ENDOD1: variants seen among roughly 807,000 people sequenced by gnomAD.
ENDOD1 encodes the protein endonuclease domain-containing 1 protein.
ENDOD1 carries 9 observed loss-of-function variants against 6.5 expected under a neutral mutation model. That is an observed-to-expected ratio of 1.39 (90% CI 0.84 to 2.43). The LOEUF is 2.43. ENDOD1 is among the 30% of genes most tolerant of loss of function. ENDOD1 has a pLI of 0.00. For synonymous variants in ENDOD1, 255 were observed against 255.2 expected, an observed-to-expected ratio of 1.00 and a Z score of 0.01; for missense variants, 648 against 635.5, an observed-to-expected ratio of 1.02 and a Z score of -0.21.
intron 1 of ENDOD1, among the ~76,000 whole-genome samples, chr11:95,097,822 G>A (rs1390653960): frequency 2.0e-5 from 3 of 152,088 alleles, no homozygotes; most frequent in African/African-American, 4.8e-5. Context: ...CAAGGGTTTG[G>A]GCCTGAATAA....
At chr11:95,124,692 G>A (rs1859294681) in intron 1 of ENDOD1, among the ~76,000 whole-genome samples, 1 of 152,214 alleles carries the variant, frequency 6.6e-6, no homozygotes, top group Non-Finnish European at 1.5e-5. Flanking sequence ...TGCCATGTAA[G>A]TGTATGGGAA....
In ENDOD1 at chr11:95,090,240, G is replaced by T; in HGVS notation, c.300+13G>T. ...GGTGGAGCCGCAGGTAAGCGAAGTG[G>T]TTCCCGAGCCGGGCTGCGGGCGCCG... On this transcript the variant is annotated intron_variant, in intron 1 of 1. Coordinates refer to ENST00000278505, the MANE Select transcript of ENDOD1 (RefSeq NM_015036.3). The T allele has an allele frequency of 7.3e-7, 1 of 1,368,328 alleles. No homozygotes were observed. The highest frequency in any genetic ancestry group is 9.5e-7 in the Non-Finnish European group (1 of 1,056,102). The allele number at this position is 1,368,328 out of a possible 1,614,324, so 84.8% of individuals were successfully genotyped here.
At position 95,129,927 on chromosome 11, in the gene ENDOD1, A is replaced by G. The variant is rs1367975832; in HGVS notation, c.*348A>G. The G allele has an allele frequency of 1.1e-5, 2 of 183,000 alleles. No individual in the cohort carries two copies. The highest frequency in any genetic ancestry group is 2.3e-5 in the Non-Finnish European group (2 of 87,242). 11.3% of individuals were successfully genotyped at this position (183,000 alleles called of 1,614,324 possible). On this transcript the variant is annotated 3_prime_UTR_variant, in exon 2 of 2. Transcript: ENST00000278505. ...GGGAGGGAAGAACTAGAAAAAGAACAACTTTAGACCAAAGGTGTCTGAGAA... is the reference window on the plus strand; with the variant it reads ...GGGAGGGAAGAACTAGAAAAAGAACGACTTTAGACCAAAGGTGTCTGAGAA...
chr11:95,128,938 C>T lies in ENDOD1; in HGVS notation c.862C>T (p.Gln288Ter). The T allele has an allele frequency of 6.2e-7, 1 of 1,613,948 alleles. No individual in the cohort carries two copies. Among genetic ancestry groups the T allele is most frequent in the Non-Finnish European group, 8.5e-7 (1 of 1,179,984 alleles). The change falls in exon 2 of 2, where the codon CAA becomes TAA. Residue 288 changes from glutamine (Q) to a stop codon, truncating the protein, a stop_gained. Transcript: ENST00000278505. LOFTEE classifies it low-confidence loss of function (END_TRUNC). Reference sequence around the variant, plus strand: ...GAAAAAAATCCTGGAAGTGGTTAACCAAATCCAGGATGAAGAACGAATGGT... The same window carrying T: ...GAAAAAAATCCTGGAAGTGGTTAACTAAATCCAGGATGAAGAACGAATGGT... ...KMKKILEVVN[Q>*]IQDEERMVQS...
chr11:95,103,100 GGTGTGTGTGTGTGT>G (rs1200141222), intron 1 of ENDOD1, among the ~76,000 whole-genome samples: 2 of 85,552 alleles, frequency 2.3e-5, no homozygotes, highest in Non-Finnish European at 6.0e-5. Flanking sequence ...AGGCAGAGTG[GGTGTGTGTGTGTGT>G]GTGTGTGTGT....
intron 1 of ENDOD1, among the ~76,000 whole-genome samples, chr11:95,111,362 G>A (rs781813163): frequency 6.6e-6 from 1 of 152,128 alleles, no homozygotes; most frequent in Non-Finnish European, 1.5e-5. Context: ...ATGGACCGGG[G>A]AGCAGGGGGA....
In ENDOD1 at chr11:95,101,305, T is replaced by C. The variant is rs140311931; in HGVS notation, c.300+11078T>C. On this transcript the variant is annotated intron_variant, in intron 1 of 1. Coordinates refer to ENST00000278505, the MANE Select transcript of ENDOD1 (RefSeq NM_015036.3). The stretch of plus-strand genomic sequence containing the variant: ...TCATGAGCTAGAGTTTGCCAAACCC[T>C]GGTGTAGCGTAATTCCAGCACTTAG... Among the ~76,000 whole-genome samples, 836 of 152,332 alleles carry C rather than the reference T, an allele frequency of 5.5e-3. 8 individuals are homozygous for C. The highest frequency in any genetic ancestry group is 0.019 in the African/African-American group (772 of 41,570).
chr11:95,114,916 G>A (rs531423826), intron 1 of ENDOD1, among the ~76,000 whole-genome samples: 40 of 152,280 alleles, frequency 2.6e-4, no homozygotes, highest in African/African-American at 9.4e-4. Flanking sequence ...ATAATTTGAA[G>A]TCAGGTAGTA....
chr11:95,113,154 T>A (rs1277093643), intron 1 of ENDOD1, among the ~76,000 whole-genome samples: 2 of 152,122 alleles, frequency 1.3e-5, no homozygotes, highest in Non-Finnish European at 2.9e-5. Context: ...CATGAGATAT[T>A]TTGATACAGG....
At chr11:95,110,254 C>G (rs1279488313) in intron 1 of ENDOD1, among the ~76,000 whole-genome samples, 1 of 152,238 alleles carries the variant, frequency 6.6e-6, no homozygotes, top group African/African-American at 2.4e-5. Flanking sequence ...TCATCCTCCC[C>G]TGCATTCTCA....
intron 1 of ENDOD1, among the ~76,000 whole-genome samples, chr11:95,094,720 T>C (rs1858966769): frequency 6.6e-6 from 1 of 152,222 alleles, no homozygotes; most frequent in South Asian, 2.1e-4. Flanking sequence ...TTCTTTTCAT[T>C]GTGTCAGAGA....
chr11:95,091,900 G>A (rs1001235328), intron 1 of ENDOD1, among the ~76,000 whole-genome samples: 19 of 152,252 alleles, frequency 1.2e-4, no homozygotes, highest in Admixed American at 6.5e-4. Context: ...AGGTTAAATT[G>A]GAGATAATAG....
intron 1 of ENDOD1, among the ~76,000 whole-genome samples, chr11:95,128,006 C>T (rs1030453211): frequency 2.0e-5 from 3 of 152,110 alleles, no homozygotes; most frequent in Non-Finnish European, 4.4e-5. Context: ...ATGATCCACC[C>T]GCCTCAGCCT....
intron 1 of ENDOD1, among the ~76,000 whole-genome samples, chr11:95,109,197 C>T (rs1182404128): frequency 3.3e-5 from 5 of 152,220 alleles, no homozygotes; most frequent in Admixed American, 6.5e-5. Flanking sequence ...AGGATCTTGT[C>T]GGAATCATCC....
chr11:95,100,000 A>G (rs1290875411), intron 1 of ENDOD1, among the ~76,000 whole-genome samples: 7 of 152,240 alleles, frequency 4.6e-5, no homozygotes, highest in Non-Finnish European at 1.0e-4. Flanking sequence ...AACACAGGGA[A>G]AAGAAAGCCA....
rs199801386 is a variant in ENDOD1, at chr11:95,129,350, G to A, written c.1274G>A (p.Arg425Gln). The change falls in exon 2 of 2, where the codon CGA (arginine) becomes CAA (glutamine). Residue 425 changes from arginine to glutamine, a missense_variant. By Grantham distance (43) the Arg-to-Gln change is conservative. Transcript: ENST00000278505. Reference protein sequence around the residue: ...ILCCLLKAICRVLSIPVRVLV... With the variant: ...ILCCLLKAICQVLSIPVRVLV... Reference sequence around the variant, plus strand: ...TGTTGTCTGCTGAAGGCCATTTGCCGAGTTCTGAGCATCCCTGTCCGTGTC... The same window carrying A: ...TGTTGTCTGCTGAAGGCCATTTGCCAAGTTCTGAGCATCCCTGTCCGTGTC... 128 of 1,614,168 alleles carry A rather than the reference G, an allele frequency of 7.9e-5. No individual in the cohort carries two copies. The East Asian group carries it at 2.2e-3, about 28-fold the overall frequency.
intron 1 of ENDOD1, 136 bp downstream of exon 1, chr11:95,090,363 C>T (rs962713316): frequency 8.2e-7 from 1 of 1,220,968 alleles, no homozygotes; most frequent in Non-Finnish European, 1.1e-6. Flanking sequence ...GCCAAGAAAC[C>T]CGGGTTCCAG....
At chr11:95,093,714 C>T (rs1255497349) in intron 1 of ENDOD1, among the ~76,000 whole-genome samples, 2 of 152,120 alleles carry the variant, frequency 1.3e-5, no homozygotes, top group African/African-American at 4.8e-5. Context: ...AGATGTTCTG[C>T]TTCAGTTTTC....
At chr11:95,107,947 G>C (rs929403024) in intron 1 of ENDOD1, among the ~76,000 whole-genome samples, 2 of 151,992 alleles carry the variant, frequency 1.3e-5, no homozygotes, top group Non-Finnish European at 2.9e-5. Flanking sequence ...GATTACAGGC[G>C]TGAGCCACCG....
Sources: allele counts gnomAD v4.1 joint callset (sites outside exome capture counted in the v4.1 genomes callset), GRCh38; gene constraint gnomAD v4.1.1; transcripts MANE v1.5; gene names NCBI Gene and HGNC (gene_info 2026-07-23, HGNC 2026-07-21).